TLR6: variants seen among roughly 807,000 people sequenced by gnomAD.
TLR6 encodes the protein toll like receptor 6.
TLR6 carries 9 observed loss-of-function variants against 16.1 expected under a neutral mutation model. The ratio of observed to expected loss-of-function variants is 0.56; its 90% confidence interval spans 0.34 to 0.98. The LOEUF (loss-of-function observed/expected upper bound fraction) is 0.98, where lower values mean the gene tolerates loss of function less well. Ranked by LOEUF, TLR6 falls within the 50% of genes least tolerant of loss-of-function variation. TLR6 has a pLI of 0.02. For synonymous variants in TLR6, 340 were observed against 338.6 expected (o/e 1.00, Z -0.04); for missense variants, 786 against 921.0 (o/e 0.85, Z 1.90).
At chr4:38,839,756 T>C (rs149410911) in intron 1 of TLR6, among the ~76,000 whole-genome samples, 54 of 152,326 alleles carry the variant, frequency 3.5e-4, no homozygotes, top group African/African-American at 1.2e-3. Context: ...CCCTGACTGG[T>C]AAATTGCATC....
intron 1 of TLR6, among the ~76,000 whole-genome samples, chr4:38,838,816 C>T (rs943476078): frequency 6.7e-6 from 1 of 149,068 alleles, no homozygotes; most frequent in Admixed American, 6.8e-5. Context: ...ATTTGACACA[C>T]GGTATGTATG....
chr4:38,858,638 G>T (rs1438534031), upstream of TLR6, among the ~76,000 whole-genome samples: 1 of 151,460 alleles, frequency 6.6e-6, no homozygotes, highest in Non-Finnish European at 1.5e-5. Flanking sequence ...GAGAATCATT[G>T]GAACCCAGGA....
chr4:38,859,133 C>T (rs1364790923), upstream of TLR6, among the ~76,000 whole-genome samples: 2 of 152,174 alleles, frequency 1.3e-5, no homozygotes, highest in Non-Finnish European at 2.9e-5. Flanking sequence ...GGGTGGGATT[C>T]GAACCCAGGC....
intron 1 of TLR6, among the ~76,000 whole-genome samples, chr4:38,833,637 C>T (rs1711746282): frequency 6.6e-6 from 1 of 152,088 alleles, no homozygotes; most frequent in Non-Finnish European, 1.5e-5. Flanking sequence ...ACAAGAAATA[C>T]AAAAGTGCAA....
downstream of TLR6, among the ~76,000 whole-genome samples, chr4:38,823,538 C>T (rs1727405340): frequency 6.6e-6 from 1 of 152,164 alleles, no homozygotes; most frequent in African/African-American, 2.4e-5. Context: ...ATTGTTTATT[C>T]TTATCACAGT....
chr4:38,827,063 G>C, exon 2 of TLR6: 1 of 1,526,522 alleles, frequency 6.6e-7, no homozygotes, highest in South Asian at 1.3e-5. Flanking sequence ...GGTTTCTTAA[G>C]TTGAATTTCC....
At chr4:38,864,658 T>C in the TLR6 span, among the ~76,000 whole-genome samples, 1 of 152,190 alleles carries the variant, frequency 6.6e-6, no homozygotes, top group Non-Finnish European at 1.5e-5. Flanking sequence ...TTCTAAAACA[T>C]TGAAAAACAA....
intron 1 of TLR6, among the ~76,000 whole-genome samples, chr4:38,839,855 G>A (rs987874876): frequency 1.3e-5 from 2 of 152,216 alleles, no homozygotes; most frequent in African/African-American, 4.8e-5. Context: ...GGGTATGAAT[G>A]TTTAGTTGAG....
chr4:38,851,389 C>A (rs1712766850), intron 1 of TLR6, among the ~76,000 whole-genome samples: 1 of 152,102 alleles, frequency 6.6e-6, no homozygotes, highest in African/African-American at 2.4e-5. Context: ...CTGGCCAGGG[C>A]AATCAGGCAA....
At chr4:38,828,067 G>A (rs201344154) in exon 2 of TLR6, 52 of 1,614,074 alleles carry the variant, frequency 3.2e-5, no homozygotes, top group Non-Finnish European at 4.4e-5. Context: ...CCAGTTTTAC[G>A]ACTTGTTTAG....
chr4:38,845,663 A>G (rs1485991553), intron 1 of TLR6, among the ~76,000 whole-genome samples: 1 of 152,266 alleles, frequency 6.6e-6, no homozygotes, highest in Non-Finnish European at 1.5e-5. Flanking sequence ...GAAAGAATGC[A>G]GCCTTGCCAG....
At chr4:38,862,978 C>CACAA in the TLR6 span, among the ~76,000 whole-genome samples, 1 of 150,822 alleles carries the variant, frequency 6.6e-6, no homozygotes, top group African/African-American at 2.4e-5. Context: ...CACAACCTTC[C>CACAA]CCTCCTTGCT....
rs117985012 is a variant in TLR6, at chr4:38,856,275, C to A, written c.-65+486G>T. On this transcript the variant is annotated intron_variant, in intron 1 of 1. Transcript: ENST00000436693. Reference sequence around the variant, plus strand: ...AAATATGAATAGGACTGACATAATTCCTGCTTTCAAAAAGCTTATGAATTA... The same window carrying A: ...AAATATGAATAGGACTGACATAATTACTGCTTTCAAAAAGCTTATGAATTA... 2.8e-3 allele frequency among the ~76,000 whole-genome samples: 427 copies of A among 152,288 alleles called. 7 individuals are homozygous for A. The East Asian group carries it at 0.05, about 18-fold the overall frequency.
rs140047441 is a variant in TLR6 at position 38,840,263 on chromosome 4, T to C, written c.-64-10726A>G. ...CTGATGAAATACCAGGAGTTCTCAATGAATTAAAGTTGCATTTGCCTAAAG... is the reference window on the plus strand; with the variant it reads ...CTGATGAAATACCAGGAGTTCTCAACGAATTAAAGTTGCATTTGCCTAAAG... On this transcript the variant is annotated intron_variant, in intron 1 of 1. Coordinates refer to ENST00000436693, the Ensembl canonical transcript of TLR6. 7.0e-3 allele frequency among the ~76,000 whole-genome samples: 1,064 copies of C among 152,316 alleles called. 10 individuals carry two copies. The highest frequency in any genetic ancestry group is 0.024 in the African/African-American group (1,004 of 41,558).
At chr4:38,854,230 A>G (rs994916052) in intron 1 of TLR6, among the ~76,000 whole-genome samples, 3 of 152,230 alleles carry the variant, frequency 2.0e-5, no homozygotes, top group Non-Finnish European at 4.4e-5. Context: ...GATGAAACTC[A>G]TGATCTTGGA....
intron 1 of TLR6, among the ~76,000 whole-genome samples, chr4:38,831,817 T>C (rs1711598266): frequency 6.6e-6 from 1 of 152,222 alleles, no homozygotes; most frequent in South Asian, 2.1e-4. Context: ...TGAAATTACA[T>C]TACACTTATG....
chr4:38,828,037 A>T, exon 2 of TLR6: 1 of 1,614,228 alleles, frequency 6.2e-7, no homozygotes, highest in Admixed American at 1.7e-5. Flanking sequence ...TGAAAGCAAC[A>T]TTGAGTTCTT....
At chr4:38,834,063 C>CT (rs1388868987) in intron 1 of TLR6, among the ~76,000 whole-genome samples, 7 of 137,570 alleles carry the variant, frequency 5.1e-5, no homozygotes, top group Middle Eastern at 4.1e-3. Context: ...CATATCTGTA[C>CT]TAAAAAAAAA....
upstream of TLR6, among the ~76,000 whole-genome samples, chr4:38,858,775 G>GA (rs1713099079): frequency 1.3e-5 from 1 of 79,328 alleles, no homozygotes; most frequent in African/African-American, 9.6e-5. Context: ...GAGAGAGAGA[G>GA]GGAGAGAGAG....
Sources: allele counts gnomAD v4.1 joint callset (sites outside exome capture counted in the v4.1 genomes callset), GRCh38; gene constraint gnomAD v4.1.1; transcripts MANE v1.5; gene names NCBI Gene and HGNC (gene_info 2026-07-23, HGNC 2026-07-21).